AVL9: variants seen among roughly 807,000 people sequenced by gnomAD.
AVL9 encodes the protein late secretory pathway protein AVL9 homolog.
Under a neutral mutation model 79.2 loss-of-function variants are expected in AVL9, and 49 were observed. The ratio of observed to expected loss-of-function variants is 0.62; its 90% CI spans 0.49 to 0.79. The LOEUF (loss-of-function observed/expected upper bound fraction) is 0.79, where lower values mean the gene tolerates loss of function less well. Among genes scored for constraint, AVL9 ranks in the 30% least tolerant of loss-of-function variants. The pLI, the probability that AVL9 is intolerant of heterozygous loss-of-function variation, is 0.00. For missense variants in AVL9, 682 were observed against 776.8 expected, an observed-to-expected ratio of 0.88 and a Z score of 1.45; for synonymous variants, 299 against 280.6, an observed-to-expected ratio of 1.07 and a Z score of -0.65.
chr7:32,545,209 G>C (rs1382246562), intron 3 of AVL9, among the ~76,000 whole-genome samples: 4 of 151,040 alleles, frequency 2.6e-5, no homozygotes. Context: ...CTAGGCTCAA[G>C]GGATCCTCCT....
chr7:32,573,192 C>A lies in AVL9; in HGVS notation c.1351-7C>A. 1 of 1,611,814 alleles carries A rather than the reference C, an allele frequency of 6.2e-7. No individual in the cohort carries two copies. Among genetic ancestry groups the A allele is most frequent in the South Asian group, 1.1e-5 (1 of 90,976 alleles). On this transcript the variant is annotated splice_region_variant and splice_polypyrimidine_tract_variant and intron_variant, in intron 11 of 15. Transcript: ENST00000318709. ...CAGACTCTGACTTGTACCTGGATAC[C>A]CTCTAGGTAGAAGAAGCTCTGATCC... is the stretch of plus-strand genomic sequence containing the variant.
intron 1 of AVL9, 104 bp downstream of exon 1, chr7:32,495,906 C>T (rs1266721566): frequency 5.8e-6 from 4 of 689,808 alleles, no homozygotes; most frequent in Admixed American, 8.7e-5. Flanking sequence ...TGCAGTCCTC[C>T]CCACAGCGCC....
rs1786753778 is a variant in AVL9 at position 32,495,562 on chromosome 7, C to G, written c.-148C>G. On this transcript the variant is annotated 5_prime_UTR_variant, in exon 1 of 16. Coordinates refer to ENST00000318709, the MANE Select transcript of AVL9 (RefSeq NM_015060.3). ...GCCGTGGCCCTGGGGGCGGCGGGAG[C>G]TGCTTTGCCTCCACCGATCTCCCTG... The G allele has an allele frequency of 2.3e-6, 1 of 442,530 alleles. No homozygotes were observed. The highest frequency in any genetic ancestry group is 3.9e-6 in the Non-Finnish European group (1 of 257,342). 27.4% of individuals were successfully genotyped at this position (442,530 alleles called of 1,614,324 possible).
chr7:32,521,798 C>T (rs924900000), intron 1 of AVL9, among the ~76,000 whole-genome samples: 1 of 152,062 alleles, frequency 6.6e-6, no homozygotes, highest in African/African-American at 2.4e-5. Flanking sequence ...ATCACAGGCC[C>T]AGAAGGAAAA....
Position 32,572,161 on chromosome 7 carries a change from C to CA in AVL9, c.1351-1028dup, listed in dbSNP as rs1313750898. 3.4e-4 allele frequency among the ~76,000 whole-genome samples: 39 copies of CA among 116,074 alleles called. 1 individual carries two copies. Among genetic ancestry groups the CA allele is most frequent in the South Asian group, 5.8e-4 (2 of 3,436 alleles). The allele number at this position is 116,074 out of a possible 152,430, so 76.1% of individuals were successfully genotyped here. ...TGGGCGATAGAGTGAAATTCTGTCT[C>CA]AAAAAAAAAAGAAAAAAAAAAAATT... is the stretch of plus-strand genomic sequence containing the variant. On this transcript the variant is annotated intron_variant, in intron 11 of 15. Transcript: ENST00000318709.
chr7:32,506,793 A>G (rs192319907), intron 1 of AVL9, among the ~76,000 whole-genome samples: 1 of 152,222 alleles, frequency 6.6e-6, no homozygotes, highest in East Asian at 1.9e-4. Flanking sequence ...GGACTATTGT[A>G]ATGAAGAAAA....
At chr7:32,519,706 T>C (rs973187521) in intron 1 of AVL9, among the ~76,000 whole-genome samples, 5 of 152,208 alleles carry the variant, frequency 3.3e-5, no homozygotes, top group African/African-American at 1.2e-4. Context: ...TAAGAGGCTA[T>C]TTCAGTCGTT....
intron 1 of AVL9, among the ~76,000 whole-genome samples, chr7:32,510,831 G>A (rs377067385): frequency 5.9e-4 from 57 of 96,252 alleles, no homozygotes; most frequent in Admixed American, 1.5e-3. Context: ...GAGGGAAGCC[G>A]TCTCTCCAGG....
At chr7:32,499,340 A>G (rs1390073225) in intron 1 of AVL9, among the ~76,000 whole-genome samples, 3 of 133,620 alleles carry the variant, frequency 2.2e-5, no homozygotes, top group Non-Finnish European at 4.7e-5. Flanking sequence ...AGCATCAAAT[A>G]TATATCACAT....
At chr7:32,516,616 G>T (rs1787909622) in intron 1 of AVL9, among the ~76,000 whole-genome samples, 1 of 152,122 alleles carries the variant, frequency 6.6e-6, no homozygotes, top group African/African-American at 2.4e-5. Flanking sequence ...GCTTGTCCAA[G>T]AAATGAATAT....
chr7:32,563,180 C>T (rs770719733), intron 10 of AVL9, among the ~76,000 whole-genome samples: 5 of 151,914 alleles, frequency 3.3e-5, no homozygotes, highest in Admixed American at 6.6e-5. Context: ...TACAGGTGCC[C>T]ATCACTCTGC....
rs77413112 is a variant in AVL9 at position 32,575,579 on chromosome 7, T to C, written c.1571-376T>C. On this transcript the variant is annotated intron_variant, in intron 12 of 15. Transcript: ENST00000318709. ...AAAGATATCCCAATTGCCTGTGCCA[T>C]ACATATCAATCAGTATGTTTATTCA... Among the ~76,000 whole-genome samples, 556 of 152,342 alleles carry C rather than the reference T, an allele frequency of 3.6e-3. 3 individuals carry two copies. The highest frequency in any genetic ancestry group is 0.013 in the African/African-American group (530 of 41,580).
chr7:32,520,857 A>G (rs1459242268), intron 1 of AVL9, among the ~76,000 whole-genome samples: 1 of 152,136 alleles, frequency 6.6e-6, no homozygotes, highest in Non-Finnish European at 1.5e-5. Context: ...CTTGAATTGT[A>G]TCTCCCCGAA....
At chr7:32,519,477 C>T (rs1406244268) in intron 1 of AVL9, among the ~76,000 whole-genome samples, 1 of 151,322 alleles carries the variant, frequency 6.6e-6, no homozygotes, top group Admixed American at 6.6e-5. Flanking sequence ...CTGATACAAG[C>T]TAGTTCAGAT....
intron 1 of AVL9, among the ~76,000 whole-genome samples, chr7:32,530,822 G>A (rs969315235): frequency 6.6e-6 from 1 of 152,100 alleles, no homozygotes; most frequent in Non-Finnish European, 1.5e-5. Context: ...TGGGCATGGT[G>A]GCATGTGCCT....
intron 13 of AVL9, 96 bp downstream of exon 13, chr7:32,576,168 A>G (rs1370736945): frequency 4.9e-6 from 4 of 817,074 alleles, no homozygotes; most frequent in African/African-American, 1.7e-5. Flanking sequence ...TATTGTGAAT[A>G]TCCTCAAGAA....
chr7:32,506,022 T>A (rs1042492766), intron 1 of AVL9, among the ~76,000 whole-genome samples: 1 of 152,186 alleles, frequency 6.6e-6, no homozygotes, highest in Non-Finnish European at 1.5e-5. Context: ...TTTTAAAAAC[T>A]ATCCATGAGG....
chr7:32,498,237 ATTTTTTTTTTTTTTT>A (rs10547851), intron 1 of AVL9, among the ~76,000 whole-genome samples: 1 of 89,814 alleles, frequency 1.1e-5, no homozygotes, highest in Non-Finnish European at 2.0e-5. Flanking sequence ...AAGTCCTCAG[ATTTTTTTTTTTTTTT>A]TTTTTTTTTG....
At chr7:32,506,303 A>G (rs187986335) in intron 1 of AVL9, among the ~76,000 whole-genome samples, 9 of 152,202 alleles carry the variant, frequency 5.9e-5, no homozygotes, top group African/African-American at 1.4e-4. Context: ...CAGTATGCCA[A>G]CATCACTACT....
Sources: allele counts gnomAD v4.1 joint callset (sites outside exome capture counted in the v4.1 genomes callset), GRCh38; gene constraint gnomAD v4.1.1; transcripts MANE v1.5; gene names NCBI Gene and HGNC (gene_info 2026-07-23, HGNC 2026-07-21).